Variants in MYRF observed in about 807,000 individuals in gnomAD.
MYRF encodes myelin gene regulatory factor.
In MYRF, 16 loss-of-function variants were observed where a neutral mutation model predicts 126.3. That is an observed-to-expected ratio of 0.13 (90% CI 0.09 to 0.19). MYRF has a LOEUF of 0.19. Ranked by LOEUF, MYRF falls within the 10% of genes least tolerant of loss-of-function variation. The probability of loss-of-function intolerance (pLI) is 1.00; values close to 1 mark genes in which losing one functional copy is unlikely to be tolerated. For synonymous variants in MYRF, 608 were observed against 635.3 expected (o/e 0.96, Z 0.65); for missense variants, 1,104 against 1,547.0 (o/e 0.71, Z 4.80).
intron 22 of MYRF, chr11:61,782,162 A>G (rs1041328057): frequency 3.7e-6 from 1 of 273,446 alleles, no homozygotes; most frequent in African/African-American, 2.2e-5. Context: ...TCGCCATGCC[A>G]GCACCAGGAG....
intron 26 of MYRF, 48 bp downstream of exon 26, chr11:61,785,922 T>C: frequency 6.3e-7 from 1 of 1,588,558 alleles, no homozygotes; most frequent in Non-Finnish European, 8.6e-7. Flanking sequence ...CACCCCTGTC[T>C]GCGACGTGGG....
In MYRF at chr11:61,781,095, T is replaced by C. The variant is rs779913285; in HGVS notation, c.2573-43T>C. 6 of 1,611,304 alleles carry C rather than the reference T, an allele frequency of 3.7e-6. No homozygotes were observed. In the Admixed American group the frequency reaches 1.0e-4, roughly 27 times the overall value. The stretch of plus-strand genomic sequence containing the variant: ...AGGACAGGGAGGTTGCTATGTTCTG[T>C]CTTTGGGGCTTCTCTGGCTCATACA... On this transcript the variant is annotated intron_variant, in intron 20 of 26. Transcript: ENST00000278836.
At position 61,752,660 on chromosome 11, in the gene MYRF, T is replaced by C. The variant is rs2065638558; in HGVS notation, c.-85T>C. The C allele has an allele frequency of 2.7e-6, 3 of 1,099,320 alleles. No homozygotes were observed. The highest frequency in any genetic ancestry group is 3.4e-6 in the Non-Finnish European group (3 of 871,356). 68.1% of individuals were successfully genotyped at this position (1,099,320 alleles called of 1,614,324 possible). On this transcript the variant is annotated 5_prime_UTR_variant, in exon 1 of 27. Transcript: ENST00000278836. ...CGTAGCCGGAGCCCAGCCGGGACTG[T>C]CGCGCGGGCCGCGCCGGCGATGCCG... is the stretch of plus-strand genomic sequence containing the variant.
At position 61,765,942 on chromosome 11, in the gene MYRF, C is replaced by T. The variant is rs1028455284; in HGVS notation, c.135-16C>T. On this transcript the variant is annotated splice_polypyrimidine_tract_variant and intron_variant, in intron 2 of 26. Coordinates refer to ENST00000278836, the MANE Select transcript of MYRF (RefSeq NM_001127392.3). ...TGGGGTCCTGGCTGGAGCTGAGCCG[C>T]CCCCCTTCCCCGCAGCTGCTTCCCT... 1.3e-6 allele frequency: 2 copies of T among 1,485,954 alleles called. No homozygotes were observed. The highest frequency in any genetic ancestry group is 2.4e-5 in the East Asian group (1 of 41,844). The allele number at this position is 1,485,954 out of a possible 1,614,324, so 92.0% of individuals were successfully genotyped here.
At chr11:61,780,360 A>G (rs777726043) in intron 18 of MYRF, 70 bp downstream of exon 18, 9 of 1,351,958 alleles carry the variant, frequency 6.7e-6, no homozygotes, top group Admixed American at 3.7e-5. Flanking sequence ...CAGGTCAGAG[A>G]GCCATGAGAC....
In MYRF at chr11:61,781,214, T is replaced by C; in HGVS notation, c.2649T>C (p.Pro883=). The C allele has an allele frequency of 1.2e-6, 2 of 1,614,100 alleles. No homozygotes were observed. Among genetic ancestry groups the C allele is most frequent in the South Asian group, 2.2e-5 (2 of 91,080 alleles). The change falls in exon 21 of 27, where the codon CCT becomes CCC. Residue 883 remains proline (P), a synonymous_variant. Coordinates refer to ENST00000278836, the MANE Select transcript of MYRF (RefSeq NM_001127392.3). ...ACATGTGTTCCAGCCACCCCTGCCC[T>C]GTCATCTGCTGTTCCTCACCCACTA... is the stretch of plus-strand genomic sequence containing the variant. ...TLDMCSSHPC[P]VICCSSPTTN...
intron 18 of MYRF, 40 bp from the exon 19 acceptor site, chr11:61,780,672 C>T (rs2066516876): frequency 6.5e-7 from 1 of 1,535,006 alleles, no homozygotes; most frequent in Non-Finnish European, 8.8e-7. Flanking sequence ...TTCTCTTCCC[C>T]TTTGCCTGTC....
At chr11:61,766,385 A>AG (rs1288324023) in intron 3 of MYRF, 164 bp downstream of exon 3, 7 of 698,258 alleles carry the variant, frequency 1.0e-5, no homozygotes, top group Admixed American at 3.1e-5. Context: ...GTCCAGGTCA[A>AG]GGGGGGACTC....
intron 21 of MYRF, 101 bp from the exon 22 acceptor site, chr11:61,781,472 G>T: frequency 6.5e-7 from 1 of 1,544,078 alleles, no homozygotes; most frequent in South Asian, 1.3e-5. Context: ...AGAGGACCAA[G>T]AGACACATGG....
chr11:61,755,766 TAGGGGCACATG>T, intron 1 of MYRF: 1 of 575,448 alleles, frequency 1.7e-6, no homozygotes. Flanking sequence ...CCCTAGATTC[TAGGGGCACATG>T]AGGCTCGAGT....
intron 1 of MYRF, among the ~76,000 whole-genome samples, chr11:61,762,837 G>T (rs944127572): frequency 6.6e-6 from 1 of 152,140 alleles, no homozygotes; most frequent in South Asian, 2.1e-4. Context: ...CCGCAACGCT[G>T]CCCCATCAGT....
At position 61,778,444 on chromosome 11, in the gene MYRF, C is replaced by G. The variant is rs566344389; in HGVS notation, c.1968C>G (p.Val656=). Residue 656 remains valine (V), a synonymous_variant, in exon 14 of 27, where the codon GTC becomes GTG. Coordinates refer to ENST00000278836, the MANE Select transcript of MYRF (RefSeq NM_001127392.3). The surrounding 1 kb of genome is among the most constrained non-coding windows in gnomAD (Gnocchi z 4.6). The stretch of plus-strand genomic sequence containing the variant: ...CTGTGAAAGACACCGGAGACATGGT[C>G]TTTGCCAATGGGAAAACCATAGAGA... The part of the protein sequence containing the change: ...PEAVKDTGDM[V]FANGKTIENF... 7 of 1,614,104 alleles carry G rather than the reference C, an allele frequency of 4.3e-6. No homozygotes were observed. In the South Asian group the frequency reaches 7.7e-5, roughly 18 times the overall value.
rs1375973036 is a variant in MYRF at position 61,781,133 on chromosome 11, C to T, written c.2573-5C>T. On this transcript the variant is annotated splice_region_variant and splice_polypyrimidine_tract_variant and intron_variant, in intron 20 of 26. Transcript: ENST00000278836. ...TCTGGCTCATACAGCCTCTGGCCTC[C>T]TCAGTGACCACCAGCCTCACCAGCT... is the stretch of plus-strand genomic sequence containing the variant. The T allele has an allele frequency of 2.5e-6, 4 of 1,613,260 alleles. No homozygotes were observed. The highest frequency in any genetic ancestry group is 1.1e-5 in the South Asian group (1 of 91,084).
Position 61,780,723 on chromosome 11 carries a change from T to C in MYRF, c.2417T>C (p.Val806Ala), listed in dbSNP as rs1039467716. The change falls in exon 19 of 27, where the codon GTG (valine) becomes GCG (alanine). Residue 806 changes from valine (V) to alanine (A), a missense_variant. Val to Ala is a moderately conservative substitution (Grantham distance 64). Transcript: ENST00000278836. ...TTGCTGCCCCTTAGCTCTTTTGCCG[T>C]GTCCACTTCCTGTCTCCTGGCCCTG... Reference protein sequence around the residue: ...DLVDTDGSFAVSTSCLLALLR... With the variant: ...DLVDTDGSFAASTSCLLALLR... The C allele has an allele frequency of 5.2e-6, 8 of 1,549,778 alleles. No homozygotes were observed. The highest frequency in any genetic ancestry group is 7.0e-6 in the Non-Finnish European group (8 of 1,147,060).
chr11:61,771,178 C>T (rs1051094605), intron 5 of MYRF, among the ~76,000 whole-genome samples: 2 of 152,190 alleles, frequency 1.3e-5, no homozygotes, highest in Non-Finnish European at 2.9e-5. Flanking sequence ...ACACTGCAGG[C>T]AGGGACAAAC....
intron 22 of MYRF, 67 bp downstream of exon 22, chr11:61,781,891 A>G: frequency 1.4e-6 from 2 of 1,462,052 alleles, no homozygotes; most frequent in Non-Finnish European, 1.8e-6. Context: ...GGCCCACCTC[A>G]GCCCAGTCAT....
intron 3 of MYRF, among the ~76,000 whole-genome samples, chr11:61,768,213 T>A (rs969091359): frequency 7.9e-5 from 12 of 151,592 alleles, no homozygotes; most frequent in African/African-American, 2.9e-4. Context: ...CACCAGTACA[T>A]CTCCAAGTAG....
chr11:61,781,442 A>G, intron 21 of MYRF, 113 bp downstream of exon 21: 2 of 1,540,370 alleles, frequency 1.3e-6, no homozygotes, highest in Non-Finnish European at 1.8e-6. Flanking sequence ...GCTCTGGACA[A>G]TGACTGGGAA....
chr11:61,785,812 C>T lies in MYRF; in HGVS notation c.3313C>T (p.Arg1105Trp), dbSNP rs777141818. 2.2e-5 allele frequency: 35 copies of T among 1,613,978 alleles called. No homozygotes were observed. The highest frequency in any genetic ancestry group is 2.7e-5 in the African/African-American group (2 of 74,918). ...THQDTQGTSH[R>W]WPITILSFRE... ...CCCTTCTCTCCAGGGCACCTCTCACCGGTGGCCAATAACCATCCTGTCCTT... is the reference window on the plus strand; with the variant it reads ...CCCTTCTCTCCAGGGCACCTCTCACTGGTGGCCAATAACCATCCTGTCCTT... The change falls in exon 26 of 27, where the codon CGG (arginine) becomes TGG (tryptophan). Residue 1105 changes from arginine (R) to tryptophan (W), a missense_variant. Arg to Trp is a moderately radical substitution (Grantham distance 101). Coordinates refer to ENST00000278836, the MANE Select transcript of MYRF (RefSeq NM_001127392.3).
Sources: gnomAD v4.1 joint callset for allele counts (sites outside exome capture counted in the v4.1 genomes callset) on GRCh38, gnomAD v4.1.1 for gene constraint, Gnocchi (gnomAD v3.1) non-coding constraint, MANE v1.5 for transcripts, NCBI Gene and HGNC (gene_info 2026-07-23, HGNC 2026-07-21) for gene names.